SNX14: variants seen among roughly 807,000 people sequenced by gnomAD.
SNX14 encodes sorting nexin 14.
SNX14 carries 93 observed loss-of-function variants against 133.8 expected under a neutral mutation model. That is an observed-to-expected ratio of 0.70 (90% confidence interval 0.59 to 0.83). The LOEUF is 0.83. Among genes scored for constraint, SNX14 ranks in the 40% least tolerant of loss-of-function variants. SNX14 has a pLI of 0.00. For missense variants in SNX14, 945 were observed against 1,094.9 expected (o/e 0.86, Z 1.93); for synonymous variants, 368 against 365.6 (o/e 1.01, Z -0.07).
chr6:85,515,566 G>A (rs1167413590), intron 23 of SNX14, among the ~76,000 whole-genome samples: 1 of 152,012 alleles, frequency 6.6e-6, no homozygotes, highest in African/African-American at 2.4e-5. Context: ...AAGTATATTC[G>A]ATTTTACCTG....
At chr6:85,580,329 C>G (rs901645402) in intron 1 of SNX14, among the ~76,000 whole-genome samples, 1 of 152,174 alleles carries the variant, frequency 6.6e-6, no homozygotes, top group Non-Finnish European at 1.5e-5. Flanking sequence ...CTGAATAAAA[C>G]AGCAGCAGTA....
At chr6:85,515,203 G>A (rs535942072) in intron 23 of SNX14, among the ~76,000 whole-genome samples, 9 of 138,946 alleles carry the variant, frequency 6.5e-5, no homozygotes, top group African/African-American at 2.5e-4. Context: ...GGAGCCAGAG[G>A]TAACAGTGAG....
intron 12 of SNX14, among the ~76,000 whole-genome samples, chr6:85,544,355 T>C (rs1167621659): frequency 1.4e-5 from 2 of 144,508 alleles, no homozygotes; most frequent in Non-Finnish European, 3.0e-5. Flanking sequence ...AAAAGGGAGT[T>C]AAAAAAAAAA....
At chr6:85,538,941 G>T in intron 15 of SNX14, 77 bp from the exon 16 acceptor site, 1 of 1,305,668 alleles carries the variant, frequency 7.7e-7, no homozygotes, top group South Asian at 1.5e-5. Context: ...CTTCATTTTA[G>T]AACACAAAAC....
At chr6:85,583,243 T>C (rs1222724444) in intron 1 of SNX14, among the ~76,000 whole-genome samples, 1 of 152,214 alleles carries the variant, frequency 6.6e-6, no homozygotes, top group Non-Finnish European at 1.5e-5. Flanking sequence ...AACTAGGTAT[T>C]CATGGAATCT....
rs111314297 is a variant in SNX14 at position 85,541,405 on chromosome 6, T to C, written c.1448+580A>G. On this transcript the variant is annotated intron_variant, in intron 15 of 28. Coordinates refer to ENST00000314673, the MANE Select transcript of SNX14 (RefSeq NM_153816.6). ...GTCTACATTTTATTATTGGAAGGTG[T>C]TGAGAGCAAATCTATAAATCTACAG... Among the ~76,000 whole-genome samples, 954 of 152,308 alleles carry C rather than the reference T, an allele frequency of 6.3e-3. 7 individuals are homozygous for C. The highest frequency in any genetic ancestry group is 0.022 in the African/African-American group (902 of 41,564).
intron 2 of SNX14, among the ~76,000 whole-genome samples, chr6:85,573,690 C>G (rs984713870): frequency 6.6e-6 from 1 of 152,126 alleles, no homozygotes; most frequent in African/African-American, 2.4e-5. Flanking sequence ...TCATTTAACC[C>G]AGAACTTCCT....
intron 15 of SNX14, 87 bp downstream of exon 15, chr6:85,541,898 T>C: frequency 1.1e-6 from 1 of 948,570 alleles, no homozygotes; most frequent in East Asian, 2.7e-5. Context: ...AACCACATAT[T>C]CATTCAGAAA....
chr6:85,569,850 A>G (rs144020834), intron 4 of SNX14, among the ~76,000 whole-genome samples: 64 of 152,356 alleles, frequency 4.2e-4, no homozygotes, highest in African/African-American at 1.5e-3. Flanking sequence ...AAATCATTAA[A>G]TATTAGCTAC....
intron 1 of SNX14, among the ~76,000 whole-genome samples, chr6:85,580,606 C>T (rs75096179): frequency 0.047 from 7,076 of 152,132 alleles, 215 homozygotes; most frequent in South Asian, 0.092. Context: ...AAGGGGAGTG[C>T]ATTGCCCTGA....
intron 18 of SNX14, 75 bp downstream of exon 18, chr6:85,533,524 A>C: frequency 7.0e-7 from 1 of 1,421,048 alleles, no homozygotes; most frequent in Non-Finnish European, 9.6e-7. Flanking sequence ...GAAGTGGCAA[A>C]ATGTTTATCA....
In SNX14 at chr6:85,546,315, T is replaced by C. The variant is rs571585012; in HGVS notation, c.1108+797A>G. Among the ~76,000 whole-genome samples the C allele has an allele frequency of 5.9e-5, 9 of 152,360 alleles. 1 individual carries two copies. Among genetic ancestry groups the C allele is most frequent in the Admixed American group, 5.2e-4 (8 of 15,298 alleles). ...TTTAAATTCCATGTGTTTCACTATA[T>C]AAATTATACCTCATTTTTAAAGTTA... On this transcript the variant is annotated intron_variant, in intron 12 of 28. Transcript: ENST00000314673.
chr6:85,584,397 T>G (rs899546999), intron 1 of SNX14, among the ~76,000 whole-genome samples: 1 of 152,180 alleles, frequency 6.6e-6, no homozygotes, highest in East Asian at 1.9e-4. Flanking sequence ...AATTGACAAA[T>G]GGGATCTAGT....
rs564829866 is a variant in SNX14 at position 85,570,670 on chromosome 6, T to C, written c.417+1467A>G. Among the ~76,000 whole-genome samples the C allele has an allele frequency of 2.3e-3, 346 of 152,032 alleles. 2 individuals carry two copies. The highest frequency in any genetic ancestry group is 7.2e-3 in the African/African-American group (300 of 41,472). ...GAGTTCGAGACCAGCCTGGCCAATA[T>C]GGTGAAACCCTGTCTCTACTAAAAA... On this transcript the variant is annotated intron_variant, in intron 4 of 28. Transcript: ENST00000314673.
intron 1 of SNX14, chr6:85,589,058 T>A: frequency 2.8e-6 from 1 of 360,668 alleles, no homozygotes; most frequent in South Asian, 2.1e-5. Flanking sequence ...TGCCGTTTCA[T>A]TTCTCTAAAA....
At chr6:85,508,563 G>T in intron 26 of SNX14, 1 of 209,810 alleles carries the variant, frequency 4.8e-6, no homozygotes, top group Non-Finnish European at 8.2e-6. Flanking sequence ...CTTAATATCA[G>T]AAAAAAAAAG....
chr6:85,576,431 C>T (rs1016353878), intron 1 of SNX14, among the ~76,000 whole-genome samples: 3 of 152,170 alleles, frequency 2.0e-5, no homozygotes, highest in African/African-American at 7.2e-5. Flanking sequence ...TTCTTCCCTA[C>T]CTACAGCTGA....
intron 1 of SNX14, among the ~76,000 whole-genome samples, chr6:85,575,218 C>T (rs1340587141): frequency 6.6e-6 from 1 of 152,152 alleles, no homozygotes; most frequent in African/African-American, 2.4e-5. Context: ...CCTCACATTG[C>T]ACAGTTCTGA....
intron 16 of SNX14, among the ~76,000 whole-genome samples, chr6:85,537,233 C>T (rs184268928): frequency 6.5e-4 from 99 of 152,062 alleles, no homozygotes; most frequent in African/African-American, 1.8e-3. Flanking sequence ...AAGATGAGAG[C>T]CCCCTAGTGG....
Sources: gnomAD v4.1 joint callset for allele counts (sites outside exome capture counted in the v4.1 genomes callset) on GRCh38, gnomAD v4.1.1 for gene constraint, MANE v1.5 for transcripts, NCBI Gene and HGNC (gene_info 2026-07-23, HGNC 2026-07-21) for gene names.